Variants in RBFOX1 observed in about 807,000 individuals in gnomAD.
The protein encoded by RBFOX1 is RNA binding protein fox-1 homolog 1.
In RBFOX1, 8 loss-of-function variants were observed where a neutral mutation model predicts 57.7. That is an observed-to-expected ratio of 0.14 (90% CI 0.08 to 0.25). The LOEUF (loss-of-function observed/expected upper bound fraction) is 0.25, where lower values mean the gene tolerates loss of function less well. Among genes scored for constraint, RBFOX1 ranks in the 10% least tolerant of loss-of-function variants. The pLI is 1.00. For synonymous variants in RBFOX1, 326 were observed against 222.4 expected (o/e 1.47, Z -4.15); for missense variants, 611 against 548.5 (o/e 1.11, Z -1.14).
At chr16:7,122,389 G>T (rs1359386554) in intron 4 of RBFOX1, among the ~76,000 whole-genome samples, 2 of 152,012 alleles carry the variant, frequency 1.3e-5, no homozygotes, top group African/African-American at 2.4e-5. Flanking sequence ...TTTCTTATTG[G>T]GTCCTGAGTG....
intron 5 of RBFOX1, among the ~76,000 whole-genome samples, chr16:7,575,385 A>G (rs2093232438): frequency 2.0e-5 from 3 of 152,118 alleles, no homozygotes; most frequent in Admixed American, 6.6e-5. Flanking sequence ...TGCCCCGCTC[A>G]GCCTCCCAAA....
intron 1 of RBFOX1, among the ~76,000 whole-genome samples, chr16:6,192,354 C>T (rs1186002869): frequency 6.6e-6 from 1 of 152,092 alleles, no homozygotes; most frequent in Non-Finnish European, 1.5e-5. Flanking sequence ...ATTTTGTCTT[C>T]TGAAGGAACG....
intron 2 of RBFOX1, among the ~76,000 whole-genome samples, chr16:5,594,837 C>T (rs1164334024): frequency 4.0e-5 from 6 of 151,822 alleles, no homozygotes; most frequent in African/African-American, 1.5e-4. Flanking sequence ...TATTTATATA[C>T]ACAAAAATGT....
intron 4 of RBFOX1, among the ~76,000 whole-genome samples, chr16:5,974,066 T>C (rs887266): frequency 0.067 from 10,269 of 152,318 alleles, 707 homozygotes; most frequent in East Asian, 0.39. Context: ...AGGATTATAA[T>C]GCATATGAAA....
chr16:5,573,455 G>A (rs1411392415), intron 2 of RBFOX1, among the ~76,000 whole-genome samples: 1 of 152,162 alleles, frequency 6.6e-6, no homozygotes, highest in Non-Finnish European at 1.5e-5. Context: ...GATTGGAATC[G>A]CTGGAGGCAG....
chr16:5,742,580 T>C (rs1408429120), intron 3 of RBFOX1, among the ~76,000 whole-genome samples: 3 of 152,134 alleles, frequency 2.0e-5, no homozygotes, highest in Non-Finnish European at 1.5e-5. Context: ...ATAGTAGATA[T>C]CCACCAGTAG....
At chr16:7,590,187 A>G (rs939002561) in intron 7 of RBFOX1, among the ~76,000 whole-genome samples, 1 of 151,934 alleles carries the variant, frequency 6.6e-6, no homozygotes, top group Non-Finnish European at 1.5e-5. Context: ...GGATTGCTTG[A>G]TCCCAGGAGG....
chr16:7,031,074 G>C (rs772459935), intron 3 of RBFOX1, among the ~76,000 whole-genome samples: 1 of 152,166 alleles, frequency 6.6e-6, no homozygotes, highest in African/African-American at 2.4e-5. Flanking sequence ...CTTCCAAGGA[G>C]GGTAGCCAGG....
At chr16:5,449,208 G>A (rs2151560452) in intron 1 of RBFOX1, among the ~76,000 whole-genome samples, 1 of 152,194 alleles carries the variant, frequency 6.6e-6, no homozygotes, top group South Asian at 2.1e-4. Context: ...GAGCCCTGCA[G>A]TCCTGTGCAG....
chr16:7,106,538 G>T (rs1474247085), intron 4 of RBFOX1, among the ~76,000 whole-genome samples: 2 of 151,938 alleles, frequency 1.3e-5, no homozygotes, highest in African/African-American at 4.8e-5. Flanking sequence ...TTGCCTTTTG[G>T]CTTAAACATT....
chr16:7,344,094 A>T (rs2096948327), intron 4 of RBFOX1, among the ~76,000 whole-genome samples: 4 of 142,900 alleles, frequency 2.8e-5, no homozygotes, highest in African/African-American at 5.2e-5. Flanking sequence ...TTAGAATCTC[A>T]GCTTTACTTT....
At chr16:6,203,481 C>G (rs902653678) in intron 1 of RBFOX1, among the ~76,000 whole-genome samples, 1 of 152,146 alleles carries the variant, frequency 6.6e-6, no homozygotes, top group Non-Finnish European at 1.5e-5. Context: ...TTTATCCATT[C>G]ATTGTTGATG....
At chr16:6,644,965 C>A (rs749646411) in intron 2 of RBFOX1, among the ~76,000 whole-genome samples, 1 of 152,246 alleles carries the variant, frequency 6.6e-6, no homozygotes, top group African/African-American at 2.4e-5. Flanking sequence ...AATCTAGGTG[C>A]TTAAAACAAC....
chr16:5,975,239 C>T (rs112480310), intron 4 of RBFOX1, among the ~76,000 whole-genome samples: 6 of 152,332 alleles, frequency 3.9e-5, no homozygotes, highest in African/African-American at 1.4e-4. Context: ...TCGATCTCTA[C>T]TTTCTAACTG....
At chr16:6,706,068 A>C (rs1000048635) in intron 3 of RBFOX1, among the ~76,000 whole-genome samples, 16 of 152,176 alleles carry the variant, frequency 1.1e-4, no homozygotes, top group African/African-American at 3.9e-4. Context: ...AGAATTGTGG[A>C]CCACCTTTCA....
chr16:6,849,335 G>A (rs1023809288), intron 3 of RBFOX1, among the ~76,000 whole-genome samples: 1 of 152,178 alleles, frequency 6.6e-6, no homozygotes, highest in South Asian at 2.1e-4. Flanking sequence ...AATAGATTAT[G>A]ACAAAAGTAG....
At chr16:7,276,259 G>T (rs913800918) in intron 4 of RBFOX1, among the ~76,000 whole-genome samples, 1 of 152,108 alleles carries the variant, frequency 6.6e-6, no homozygotes, top group Non-Finnish European at 1.5e-5. Context: ...TCATGAAATG[G>T]TGATAATTTC....
intron 1 of RBFOX1, among the ~76,000 whole-genome samples, chr16:5,312,373 C>T (rs2064114617): frequency 6.6e-6 from 1 of 152,206 alleles, no homozygotes; most frequent in Non-Finnish European, 1.5e-5. Flanking sequence ...GGCTGGAGTG[C>T]AGTGGCACGT....
intron 5 of RBFOX1, among the ~76,000 whole-genome samples, chr16:7,552,869 G>A (rs1279942836): frequency 6.6e-6 from 1 of 152,008 alleles, no homozygotes; most frequent in African/African-American, 2.4e-5. Flanking sequence ...TTTTAGTAGA[G>A]ATGGGGTTTC....
Sources: gnomAD v4.1 joint callset for allele counts (sites outside exome capture counted in the v4.1 genomes callset) on GRCh38, gnomAD v4.1.1 for gene constraint, MANE v1.5 for transcripts, NCBI Gene and HGNC (gene_info 2026-07-23, HGNC 2026-07-21) for gene names.